GRIK1: variants seen among roughly 807,000 people sequenced by gnomAD.
The protein encoded by GRIK1 is glutamate receptor ionotropic, kainate 1.
A neutral mutation model predicts 105.7 loss-of-function variants in GRIK1; 69 were observed. The ratio of observed to expected loss-of-function variants is 0.65; its 90% CI spans 0.54 to 0.80. The LOEUF is 0.80. Among genes scored for constraint, GRIK1 ranks in the 30% least tolerant of loss-of-function variants. The pLI, the probability that GRIK1 is intolerant of heterozygous loss-of-function variation, is 0.00. For synonymous variants in GRIK1, 438 were observed against 431.3 expected, an observed-to-expected ratio of 1.02 and a Z score of -0.19; for missense variants, 1,109 against 1,167.3, an observed-to-expected ratio of 0.95 and a Z score of 0.73.
chr21:29,601,881 C>T (rs1305144698), intron 7 of GRIK1, among the ~76,000 whole-genome samples: 2 of 152,110 alleles, frequency 1.3e-5, no homozygotes, highest in Admixed American at 1.3e-4. Flanking sequence ...ATGGCATAGC[C>T]CTTAGGCACT....
intron 15 of GRIK1, among the ~76,000 whole-genome samples, chr21:29,558,990 T>C (rs2090326320): frequency 6.6e-6 from 1 of 152,144 alleles, no homozygotes; most frequent in Non-Finnish European, 1.5e-5. Context: ...ATGATACACA[T>C]TGTTATTTTA....
At chr21:29,693,237 A>T (rs2063619907) in intron 2 of GRIK1, among the ~76,000 whole-genome samples, 1 of 152,176 alleles carries the variant, frequency 6.6e-6, no homozygotes, top group Non-Finnish European at 1.5e-5. Flanking sequence ...GACTTGTCCT[A>T]ATATTGTCTA....
chr21:29,593,059 C>T (rs927688315), intron 9 of GRIK1, among the ~76,000 whole-genome samples: 2 of 152,170 alleles, frequency 1.3e-5, no homozygotes, highest in African/African-American at 4.8e-5. Flanking sequence ...TGACAAATAT[C>T]CCTTTTAGAG....
chr21:29,574,303 T>G (rs1411804882), intron 14 of GRIK1, among the ~76,000 whole-genome samples: 1 of 152,246 alleles, frequency 6.6e-6, no homozygotes, highest in African/African-American at 2.4e-5. Context: ...CGGCACAGCC[T>G]CTTTCCCTTA....
At chr21:29,728,878 G>A (rs2064536831) in intron 1 of GRIK1, among the ~76,000 whole-genome samples, 1 of 152,190 alleles carries the variant, frequency 6.6e-6, no homozygotes, top group Non-Finnish European at 1.5e-5. Flanking sequence ...GATTAAGTAA[G>A]AGATAGTTTG....
chr21:29,684,309 C>T (rs961014748), intron 3 of GRIK1, among the ~76,000 whole-genome samples: 4 of 151,630 alleles, frequency 2.6e-5, no homozygotes, highest in Admixed American at 2.0e-4. Context: ...ATCTATCTAC[C>T]GTTTATCATA....
intron 7 of GRIK1, among the ~76,000 whole-genome samples, chr21:29,625,691 T>G (rs145736216): frequency 1.2e-3 from 185 of 152,328 alleles, no homozygotes; most frequent in African/African-American, 3.6e-3. Context: ...TGCTTTCATG[T>G]CTCTCTTCAT....
chr21:29,812,421 T>A (rs2067036473), intron 1 of GRIK1, among the ~76,000 whole-genome samples: 2 of 152,130 alleles, frequency 1.3e-5, no homozygotes, highest in Non-Finnish European at 2.9e-5. Flanking sequence ...CAGAAGAATA[T>A]CCTTGAATCC....
intron 3 of GRIK1, among the ~76,000 whole-genome samples, chr21:29,680,233 T>A (rs1037074368): frequency 6.6e-6 from 1 of 152,204 alleles, no homozygotes; most frequent in Non-Finnish European, 1.5e-5. Context: ...CCTACAATGT[T>A]TGAGCAATCA....
intron 1 of GRIK1, among the ~76,000 whole-genome samples, chr21:29,912,278 T>C (rs1272262390): frequency 6.6e-6 from 1 of 151,968 alleles, no homozygotes; most frequent in African/African-American, 2.4e-5. Flanking sequence ...ACCATAAATA[T>C]TCCAAACCCC....
At chr21:29,783,994 G>A (rs1214861036) in intron 1 of GRIK1, among the ~76,000 whole-genome samples, 1 of 152,062 alleles carries the variant, frequency 6.6e-6, no homozygotes, top group African/African-American at 2.4e-5. Flanking sequence ...GCTCAGTGGC[G>A]TGACCTTGGC....
intron 15 of GRIK1, among the ~76,000 whole-genome samples, chr21:29,559,625 A>G (rs903591915): frequency 1.3e-5 from 2 of 152,226 alleles, no homozygotes; most frequent in African/African-American, 4.8e-5. Context: ...CATATTTCTA[A>G]CACCAGGTAG....
chr21:29,549,967 G>A (rs1040714093), intron 16 of GRIK1, among the ~76,000 whole-genome samples: 12 of 151,916 alleles, frequency 7.9e-5, no homozygotes, highest in African/African-American at 2.9e-4. Flanking sequence ...AATTAGCCAG[G>A]CGTGATGGTG....
At chr21:29,587,309 T>G in intron 12 of GRIK1, 57 bp downstream of exon 12, 1 of 1,096,872 alleles carries the variant, frequency 9.1e-7, no homozygotes, top group Non-Finnish European at 1.4e-6. Flanking sequence ...CTCTGGGACA[T>G]ACAGAAATCT....
At chr21:29,652,361 G>C (rs974020617) in intron 5 of GRIK1, among the ~76,000 whole-genome samples, 5 of 152,160 alleles carry the variant, frequency 3.3e-5, no homozygotes, top group African/African-American at 1.2e-4. Flanking sequence ...CTCCTGGCTT[G>C]TTGAAAAGAA....
At chr21:29,560,467 T>TCTCTC (rs2090422554) in intron 15 of GRIK1, among the ~76,000 whole-genome samples, 4 of 129,516 alleles carry the variant, frequency 3.1e-5, no homozygotes, top group African/African-American at 6.5e-5. Context: ...TTCCTTCCTT[T>TCTCTC]CCTTTCTCTC....
chr21:29,601,497 C>T lies in GRIK1; in HGVS notation c.1099-2560G>A, dbSNP rs146948776. 1.1e-3 allele frequency among the ~76,000 whole-genome samples: 160 copies of T among 152,268 alleles called. 1 individual carries two copies. The highest frequency in any genetic ancestry group is 3.5e-3 in the African/African-American group (145 of 41,548). On this transcript the variant is annotated intron_variant, in intron 7 of 17. Transcript: ENST00000327783. ...GTCTTTGAAAATTTTGCCTAAGCTA[C>T]GTCTCCAGAATTTCCTACCACCGCT... is the stretch of plus-strand genomic sequence containing the variant.
intron 1 of GRIK1, among the ~76,000 whole-genome samples, chr21:29,714,030 A>G (rs2064119168): frequency 1.3e-5 from 2 of 152,206 alleles, no homozygotes; most frequent in African/African-American, 4.8e-5. Flanking sequence ...AAATGAGTGT[A>G]TGTTTCAATG....
At chr21:29,755,501 G>A (rs960803737) in intron 1 of GRIK1, among the ~76,000 whole-genome samples, 8 of 152,222 alleles carry the variant, frequency 5.3e-5, no homozygotes, top group African/African-American at 1.7e-4. Context: ...CCAGGTGGGG[G>A]ATCTGAGGCA....
Sources: allele counts gnomAD v4.1 joint callset (sites outside exome capture counted in the v4.1 genomes callset), GRCh38; gene constraint gnomAD v4.1.1; transcripts MANE v1.5; gene names NCBI Gene and HGNC (gene_info 2026-07-23, HGNC 2026-07-21).